Variants in NCKAP5 observed in about 807,000 individuals in gnomAD.
NCKAP5 encodes NCK associated protein 5.
NCKAP5 carries 92 observed loss-of-function variants against 167.0 expected under a neutral mutation model. That is an observed-to-expected ratio of 0.55 (90% CI 0.47 to 0.66). The LOEUF is 0.66. Among genes scored for constraint, NCKAP5 ranks in the 30% least tolerant of loss-of-function variants. The pLI is 0.00. For synonymous variants in NCKAP5, 891 were observed against 877.4 expected, an observed-to-expected ratio of 1.02 and a Z score of -0.27; for missense variants, 2,378 against 2,315.0, an observed-to-expected ratio of 1.03 and a Z score of -0.56.
rs556933108 is a variant in NCKAP5, at chr2:132,921,312, A to G, written c.580-42396T>C. ...GACCTCCTTCTCACCCAACACTCCCACCTGAAGCAGGCCCTCAATCCTGTA... is the reference window on the plus strand; with the variant it reads ...GACCTCCTTCTCACCCAACACTCCCGCCTGAAGCAGGCCCTCAATCCTGTA... On this transcript the variant is annotated intron_variant, in intron 8 of 19. Transcript: ENST00000409261. Among the ~76,000 whole-genome samples the G allele has an allele frequency of 2.6e-5, 4 of 152,034 alleles. No individual in the cohort carries two copies. The South Asian group carries it at 6.2e-4, about 24-fold the overall frequency.
At chr2:132,701,305 T>A (rs1406484195) in intron 19 of NCKAP5, among the ~76,000 whole-genome samples, 1 of 152,166 alleles carries the variant, frequency 6.6e-6, no homozygotes, top group Admixed American at 6.5e-5. Flanking sequence ...GGGTGCCATC[T>A]GGGCCCATTA....
At chr2:133,396,806 A>AGT (rs1302661278) in intron 3 of NCKAP5, among the ~76,000 whole-genome samples, 2 of 152,182 alleles carry the variant, frequency 1.3e-5, no homozygotes, top group Non-Finnish European at 2.9e-5. Flanking sequence ...CATAACATAC[A>AGT]GTACTATATT....
chr2:133,167,511 G>T lies in NCKAP5; in HGVS notation c.208-37400C>A, dbSNP rs116819710. Among the ~76,000 whole-genome samples, 686 of 152,222 alleles carry T rather than the reference G, an allele frequency of 4.5e-3. 5 individuals carry two copies. Among genetic ancestry groups the T allele is most frequent in the African/African-American group, 0.016 (653 of 41,524 alleles). On this transcript the variant is annotated intron_variant, in intron 5 of 19. Coordinates refer to ENST00000409261, the MANE Select transcript of NCKAP5 (RefSeq NM_207363.3). Reference sequence around the variant, plus strand: ...CCATACATGGTAGATAGGAAAGAAAGCTTCTTTATCTTGTGGATATTTTAG... The same window carrying T: ...CCATACATGGTAGATAGGAAAGAAATCTTCTTTATCTTGTGGATATTTTAG...
chr2:132,921,044 G>A (rs942834539), intron 8 of NCKAP5, among the ~76,000 whole-genome samples: 11 of 151,448 alleles, frequency 7.3e-5, no homozygotes, highest in Admixed American at 2.6e-4. Flanking sequence ...TCCATCATCA[G>A]CAGGAAAGAC....
chr2:133,410,390 C>G (rs1688700724), intron 3 of NCKAP5, among the ~76,000 whole-genome samples: 1 of 152,202 alleles, frequency 6.6e-6, no homozygotes, highest in Admixed American at 6.5e-5. Context: ...CCCTACACAT[C>G]CCAGTTTAAG....
chr2:133,155,602 A>T (rs1323976069), intron 5 of NCKAP5, among the ~76,000 whole-genome samples: 1 of 152,192 alleles, frequency 6.6e-6, no homozygotes, highest in Non-Finnish European at 1.5e-5. Flanking sequence ...TTGGCCAAAC[A>T]TTATTCTAGA....
intron 4 of NCKAP5, among the ~76,000 whole-genome samples, chr2:133,274,698 G>A (rs552174789): frequency 1.8e-4 from 27 of 151,936 alleles, no homozygotes; most frequent in African/African-American, 6.5e-4. Context: ...TGGACTCAGG[G>A]TATATGAAAG....
intron 3 of NCKAP5, among the ~76,000 whole-genome samples, chr2:133,355,366 CCTA>C (rs1684639725): frequency 6.6e-6 from 1 of 152,090 alleles, no homozygotes. Context: ...TCTGCATATA[CCTA>C]CTGACAAATC....
At chr2:132,956,320 G>C (rs781686655) in intron 8 of NCKAP5, among the ~76,000 whole-genome samples, 2 of 152,158 alleles carry the variant, frequency 1.3e-5, no homozygotes, top group African/African-American at 2.4e-5. Flanking sequence ...CTCTAAAAGT[G>C]GTTTCTGTGG....
intron 5 of NCKAP5, among the ~76,000 whole-genome samples, chr2:133,187,735 C>A (rs558613630): frequency 6.6e-6 from 1 of 151,900 alleles, no homozygotes; most frequent in Non-Finnish European, 1.5e-5. Context: ...AGTGAGATGG[C>A]CTTCTTTGTC....
chr2:133,308,957 G>A lies in NCKAP5; in HGVS notation c.70-5847C>T, dbSNP rs575009752. Among the ~76,000 whole-genome samples, 413 of 151,232 alleles carry A rather than the reference G, an allele frequency of 2.7e-3. 3 individuals are homozygous for A. The highest frequency in any genetic ancestry group is 4.8e-3 in the African/African-American group (199 of 41,262). On this transcript the variant is annotated intron_variant, in intron 3 of 19. Coordinates refer to ENST00000409261, the MANE Select transcript of NCKAP5 (RefSeq NM_207363.3). ...GATCTCCTGACCTCATGATCCACCC[G>A]CCTCGGCCTCCCAAAGTGCTGGGAT...
At chr2:133,248,643 T>C (rs747954967) in intron 4 of NCKAP5, among the ~76,000 whole-genome samples, 3 of 152,216 alleles carry the variant, frequency 2.0e-5, no homozygotes, top group African/African-American at 2.4e-5. Context: ...TCCTAGTTTA[T>C]AAAATATAGG....
At chr2:133,146,126 G>A (rs1026647635) in intron 5 of NCKAP5, among the ~76,000 whole-genome samples, 1 of 151,576 alleles carries the variant, frequency 6.6e-6, no homozygotes, top group African/African-American at 2.4e-5. Context: ...TGGGAGGGAA[G>A]CAACATCTAG....
At chr2:133,245,297 T>C (rs926195232) in intron 4 of NCKAP5, among the ~76,000 whole-genome samples, 1 of 152,126 alleles carries the variant, frequency 6.6e-6, no homozygotes, top group Non-Finnish European at 1.5e-5. Context: ...GTAACTAGAA[T>C]GAAGTGTTTA....
intron 6 of NCKAP5, among the ~76,000 whole-genome samples, chr2:133,094,148 C>A (rs1574010329): frequency 6.6e-6 from 1 of 152,130 alleles, no homozygotes. Flanking sequence ...TCTAAAGGCA[C>A]CAACTAGTGA....
chr2:133,099,400 T>C (rs1194278523), intron 6 of NCKAP5, among the ~76,000 whole-genome samples: 1 of 152,304 alleles, frequency 6.6e-6, no homozygotes, highest in East Asian at 1.9e-4. Context: ...TGAGAAAACA[T>C]TTTAACTATT....
intron 3 of NCKAP5, among the ~76,000 whole-genome samples, chr2:133,443,383 C>G (rs941427902): frequency 3.3e-5 from 5 of 152,228 alleles, no homozygotes; most frequent in Non-Finnish European, 7.3e-5. Context: ...GTAATGGCCA[C>G]TGGCTGGTCT....
At chr2:133,648,261 TA>T in the NCKAP5 span, among the ~76,000 whole-genome samples, 14,445 of 151,070 alleles carry the variant, frequency 0.096, 786 homozygotes, top group African/African-American at 0.12. Context: ...CTAGATATAT[TA>T]AAAAAAAACT....
At chr2:133,350,222 G>A (rs1559406771) in intron 3 of NCKAP5, among the ~76,000 whole-genome samples, 1 of 151,980 alleles carries the variant, frequency 6.6e-6, no homozygotes, top group East Asian at 1.9e-4. Flanking sequence ...GATAAGTGTG[G>A]GCAACATAGT....
Sources: allele counts gnomAD v4.1 joint callset (sites outside exome capture counted in the v4.1 genomes callset), GRCh38; gene constraint gnomAD v4.1.1; transcripts MANE v1.5; gene names NCBI Gene and HGNC (gene_info 2026-07-23, HGNC 2026-07-21).